The following TLN2 variants were observed in gnomAD, a reference collection of about 807,000 sequenced individuals.
TLN2 encodes the protein talin 2.
TLN2 carries 118 observed loss-of-function variants against 294.7 expected under a neutral mutation model. That is an observed-to-expected ratio of 0.40 (90% CI 0.34 to 0.47). The LOEUF is 0.47. Among genes scored for constraint, TLN2 ranks in the 20% least tolerant of loss-of-function variants. TLN2 has a pLI of 0.84. For missense variants in TLN2, 3,083 were observed against 3,282.2 expected (o/e 0.94, Z 1.48); for synonymous variants, 1,431 against 1,304.5 (o/e 1.10, Z -2.09).
At chr15:62,662,352 C>T (rs1199238853) in intron 9 of TLN2, among the ~76,000 whole-genome samples, 5 of 152,102 alleles carry the variant, frequency 3.3e-5, no homozygotes, top group African/African-American at 1.2e-4. Context: ...AAACAACAAA[C>T]ACTAGGCCCA....
Position 62,404,166 on chromosome 15 carries a change from G to C in TLN2, c.-238+13481G>C, listed in dbSNP as rs74613034. On this transcript the variant is annotated intron_variant, in intron 1 of 58. Transcript: ENST00000636159. ...GTGCAGTATTTTTAGGTCATGTGTT[G>C]AGAGTTAGGGGTTCAAGTATTGAAT... 2.2e-3 allele frequency among the ~76,000 whole-genome samples: 339 copies of C among 152,292 alleles called. 3 individuals carry two copies. The highest frequency in any genetic ancestry group is 7.5e-3 in the African/African-American group (313 of 41,572).
chr15:62,833,346 T>G lies in TLN2; in HGVS notation c.7003-158T>G, dbSNP rs573935383. Reference sequence around the variant, plus strand: ...GAAAGTTTGCACAGGGGACCTGTCATCTGCTTCTTGTTAAGGAACCATCCC... The same window carrying G: ...GAAAGTTTGCACAGGGGACCTGTCAGCTGCTTCTTGTTAAGGAACCATCCC... On this transcript the variant is annotated intron_variant, in intron 54 of 58. Coordinates refer to ENST00000636159, the MANE Select transcript of TLN2 (RefSeq NM_015059.3). 257 of 1,162,152 alleles carry G rather than the reference T, an allele frequency of 2.2e-4. No homozygotes were observed. The Admixed American group carries it at 2.4e-3, about 11-fold the overall frequency. The allele number at this position is 1,162,152 out of a possible 1,614,324, so 72.0% of individuals were successfully genotyped here.
intron 1 of TLN2, among the ~76,000 whole-genome samples, chr15:62,474,763 C>T (rs1177900699): frequency 1.3e-5 from 2 of 152,172 alleles, no homozygotes; most frequent in African/African-American, 2.4e-5. Context: ...TCATTGGCTT[C>T]TCACGTTTGA....
intron 1 of TLN2, among the ~76,000 whole-genome samples, chr15:62,450,547 A>ATGTGTGTGTGTGTGTG: frequency 7.3e-6 from 1 of 136,140 alleles, no homozygotes; most frequent in Admixed American, 7.5e-5. Context: ...GTATGTATGT[A>ATGTGTGTGTGTGTGTG]TGTGTGTGTG....
chr15:62,407,923 A>AAAATAAATAAATAAAT (rs10626679), intron 1 of TLN2, among the ~76,000 whole-genome samples: 28 of 148,536 alleles, frequency 1.9e-4, no homozygotes, highest in Admixed American at 4.0e-4. Context: ...ACTCTGTCTC[A>AAAATAAATAAATAAAT]AAATAAATAA....
At chr15:62,715,616 G>A (rs1353847374) in intron 22 of TLN2, among the ~76,000 whole-genome samples, 1 of 152,172 alleles carries the variant, frequency 6.6e-6, no homozygotes, top group Non-Finnish European at 1.5e-5. Flanking sequence ...AAGCAACAAA[G>A]TAAAAGGGGC....
At chr15:62,551,212 G>C (rs2042278043) in intron 1 of TLN2, among the ~76,000 whole-genome samples, 1 of 152,176 alleles carries the variant, frequency 6.6e-6, no homozygotes. Flanking sequence ...TGTAAATACA[G>C]ATGAAGCTTC....
intron 52 of TLN2, among the ~76,000 whole-genome samples, chr15:62,814,717 C>G (rs900515955): frequency 1.3e-5 from 2 of 152,166 alleles, no homozygotes; most frequent in African/African-American, 4.8e-5. Context: ...ATACAAGTTC[C>G]TGGTGAAAAA....
chr15:62,482,938 T>G (rs539613798), intron 1 of TLN2, among the ~76,000 whole-genome samples: 5 of 152,282 alleles, frequency 3.3e-5, no homozygotes, highest in Non-Finnish European at 7.3e-5. Flanking sequence ...CAGTGCTTGG[T>G]GTTGACAGAT....
intron 1 of TLN2, among the ~76,000 whole-genome samples, chr15:62,470,284 T>G (rs941728729): frequency 1.3e-5 from 2 of 152,170 alleles, no homozygotes; most frequent in East Asian, 3.9e-4. Flanking sequence ...CTTTGATGTT[T>G]AACCCAGACA....
chr15:62,768,293 G>T (rs1388450341), intron 41 of TLN2, among the ~76,000 whole-genome samples: 1 of 152,212 alleles, frequency 6.6e-6, no homozygotes, highest in Non-Finnish European at 1.5e-5. Context: ...AGACTGTAGA[G>T]TGGATTCCCT....
intron 22 of TLN2, among the ~76,000 whole-genome samples, chr15:62,712,802 G>A (rs2059507716): frequency 1.3e-5 from 2 of 152,134 alleles, no homozygotes; most frequent in Non-Finnish European, 2.9e-5. Flanking sequence ...CTCTAGGTGA[G>A]AACTGTTTTA....
At chr15:62,703,615 A>ACGCG (rs1358910599) in intron 19 of TLN2, among the ~76,000 whole-genome samples, 1 of 103,678 alleles carries the variant, frequency 9.6e-6, no homozygotes, top group African/African-American at 3.5e-5. Context: ...ACACACACAC[A>ACGCG]CACACACGCG....
chr15:62,715,163 C>CA (rs2059688185), intron 22 of TLN2, among the ~76,000 whole-genome samples: 2 of 152,226 alleles, frequency 1.3e-5, no homozygotes, highest in African/African-American at 2.4e-5. Flanking sequence ...AATTCTACCA[C>CA]AGCTGTTAAA....
Position 62,394,044 on chromosome 15 carries a change from G to A in TLN2, c.-238+3359G>A, listed in dbSNP as rs1298607967. On this transcript the variant is annotated intron_variant, in intron 1 of 58. Coordinates refer to ENST00000636159, the MANE Select transcript of TLN2 (RefSeq NM_015059.3). The stretch of plus-strand genomic sequence containing the variant: ...ACCCGCCTCGGCCTCCCAGAGTGCT[G>A]GGATTACAGGCATGAGACACCGCAC... 2.0e-5 allele frequency among the ~76,000 whole-genome samples: 3 copies of A among 152,124 alleles called. No homozygotes were observed. The South Asian group carries it at 6.2e-4, about 32-fold the overall frequency.
At chr15:62,703,173 GC>G (rs1353444968) in intron 19 of TLN2, among the ~76,000 whole-genome samples, 5 of 151,292 alleles carry the variant, frequency 3.3e-5, no homozygotes, top group African/African-American at 1.2e-4. Flanking sequence ...CGTGATCTTG[GC>G]TCATTGCAAC....
chr15:62,754,636 T>A (rs2062125797), intron 36 of TLN2: 1 of 152,482 alleles, frequency 6.6e-6, no homozygotes, highest in African/African-American at 2.4e-5. Context: ...CCCACGTTCT[T>A]GAGGCAGGAG....
intron 55 of TLN2, chr15:62,833,910 C>G: frequency 3.3e-6 from 1 of 307,236 alleles, no homozygotes; most frequent in Non-Finnish European, 5.9e-6. Context: ...TCCCACTGTA[C>G]ATTAGGCTAC....
rs577169318 is a variant in TLN2 at position 62,697,610 on chromosome 15, C to T, written c.1293-78C>T. On this transcript the variant is annotated intron_variant, in intron 14 of 58. Transcript: ENST00000636159. ...TTCACAGCATAAAGCAGGGAACATACGTGACATCTGTGGGGTCTCCTCATT... is the reference window on the plus strand; with the variant it reads ...TTCACAGCATAAAGCAGGGAACATATGTGACATCTGTGGGGTCTCCTCATT... 3.6e-4 allele frequency: 531 copies of T among 1,472,568 alleles called. 1 individual carries two copies. In the East Asian group the frequency reaches 5.3e-3, roughly 15 times the overall value. The allele number at this position is 1,472,568 out of a possible 1,614,324, so 91.2% of individuals were successfully genotyped here.
Sources: allele counts gnomAD v4.1 joint callset (sites outside exome capture counted in the v4.1 genomes callset), GRCh38; gene constraint gnomAD v4.1.1; transcripts MANE v1.5; gene names NCBI Gene and HGNC (gene_info 2026-07-23, HGNC 2026-07-21).